The following PRKG1 variants were observed in gnomAD, a reference collection of about 807,000 sequenced individuals.
The protein encoded by PRKG1 is protein kinase cGMP-dependent 1, also known as cGMP-dependent protein kinase 1.
Under a neutral mutation model 88.1 loss-of-function variants are expected in PRKG1, and 35 were observed. The ratio of observed to expected loss-of-function variants is 0.40; its 90% CI spans 0.30 to 0.53. The LOEUF (loss-of-function observed/expected upper bound fraction) is 0.53. Ranked by LOEUF, PRKG1 falls within the 20% of genes least tolerant of loss-of-function variation. The pLI, the probability that PRKG1 is intolerant of heterozygous loss-of-function variation, is 0.59. For missense variants in PRKG1, 540 were observed against 839.8 expected (o/e 0.64, Z 4.41); for synonymous variants, 303 against 292.5 (o/e 1.04, Z -0.37).
chr10:51,268,779 G>A (rs931506900), intron 2 of PRKG1, among the ~76,000 whole-genome samples: 3 of 152,164 alleles, frequency 2.0e-5, no homozygotes, highest in Non-Finnish European at 4.4e-5. Flanking sequence ...GTAAAGACAG[G>A]CATAGGAAAT....
intron 2 of PRKG1, among the ~76,000 whole-genome samples, chr10:51,352,072 C>G (rs892255110): frequency 6.6e-6 from 1 of 152,030 alleles, no homozygotes; most frequent in African/African-American, 2.4e-5. Flanking sequence ...GCTATTATTT[C>G]TGAGCTCTCT....
chr10:52,189,020 G>A (rs1589686779), intron 9 of PRKG1, among the ~76,000 whole-genome samples: 1 of 152,120 alleles, frequency 6.6e-6, no homozygotes, highest in Admixed American at 6.5e-5. Context: ...ATTGTTTATT[G>A]TGAGGTTATT....
intron 3 of PRKG1, among the ~76,000 whole-genome samples, chr10:51,560,041 A>G (rs1235062214): frequency 6.6e-6 from 1 of 152,148 alleles, no homozygotes; most frequent in Admixed American, 6.6e-5. Context: ...AAGCATTGTT[A>G]ATTTAACTTT....
At chr10:52,243,319 T>C (rs1288437094) in intron 9 of PRKG1, among the ~76,000 whole-genome samples, 1 of 152,198 alleles carries the variant, frequency 6.6e-6, no homozygotes, top group Non-Finnish European at 1.5e-5. Flanking sequence ...TTACAAAAAC[T>C]GCAGATAGAA....
chr10:51,872,255 C>T (rs557748797), intron 4 of PRKG1, among the ~76,000 whole-genome samples: 1 of 152,304 alleles, frequency 6.6e-6, no homozygotes, highest in African/African-American at 2.4e-5. Flanking sequence ...CTTGTGGCAA[C>T]TTACTGTATT....
chr10:51,305,113 T>TCA (rs993257506), intron 2 of PRKG1, among the ~76,000 whole-genome samples: 5 of 152,036 alleles, frequency 3.3e-5, no homozygotes, highest in African/African-American at 1.2e-4. Context: ...ATGGAGTGAG[T>TCA]CACAGGACTG....
chr10:51,316,216 C>G (rs537271030), intron 2 of PRKG1, among the ~76,000 whole-genome samples: 1 of 152,098 alleles, frequency 6.6e-6, no homozygotes, highest in African/African-American at 2.4e-5. Flanking sequence ...TGTATGGAGA[C>G]TCTCAGAGCT....
chr10:51,510,692 A>T (rs950021852), intron 3 of PRKG1, among the ~76,000 whole-genome samples: 1 of 151,974 alleles, frequency 6.6e-6, no homozygotes, highest in African/African-American at 2.4e-5. Context: ...ATACACTAGA[A>T]TACTAATGAA....
intron 3 of PRKG1, among the ~76,000 whole-genome samples, chr10:51,628,592 C>T (rs965922544): frequency 6.6e-6 from 1 of 152,182 alleles, no homozygotes; most frequent in Non-Finnish European, 1.5e-5. Flanking sequence ...TATTTCTTTT[C>T]TCCATTTAGT....
intron 5 of PRKG1, among the ~76,000 whole-genome samples, chr10:52,006,603 C>A (rs1383325691): frequency 1.3e-5 from 2 of 152,016 alleles, no homozygotes; most frequent in African/African-American, 4.8e-5. Flanking sequence ...AAATAATGAA[C>A]AAATCCTCCA....
At chr10:51,505,852 C>A (rs1446022762) in intron 3 of PRKG1, among the ~76,000 whole-genome samples, 1 of 151,388 alleles carries the variant, frequency 6.6e-6, no homozygotes, top group Non-Finnish European at 1.5e-5. Context: ...CTATTTGATT[C>A]TTCTCTCTTT....
intron 3 of PRKG1, among the ~76,000 whole-genome samples, chr10:51,610,372 G>A (rs1253029455): frequency 6.6e-6 from 1 of 152,076 alleles, no homozygotes; most frequent in African/African-American, 2.4e-5. Flanking sequence ...CAACATATAT[G>A]TGAGAACATG....
intron 2 of PRKG1, among the ~76,000 whole-genome samples, chr10:51,449,423 C>G: frequency 6.7e-6 from 1 of 150,046 alleles, no homozygotes; most frequent in Non-Finnish European, 1.5e-5. Context: ...TAATTTTATT[C>G]TTACTTTATA....
chr10:51,613,596 A>T (rs550272065), intron 3 of PRKG1, among the ~76,000 whole-genome samples: 2 of 149,742 alleles, frequency 1.3e-5, no homozygotes, highest in African/African-American at 2.4e-5. Flanking sequence ...TTTATTTGAA[A>T]TTTTTCTACT....
At chr10:51,096,497 T>C (rs1844533745) in intron 1 of PRKG1, among the ~76,000 whole-genome samples, 2 of 152,036 alleles carry the variant, frequency 1.3e-5, no homozygotes, top group Non-Finnish European at 2.9e-5. Context: ...TTGACAGTAC[T>C]TGTGCCCTTT....
intron 1 of PRKG1, among the ~76,000 whole-genome samples, chr10:51,151,491 C>T (rs1406180017): frequency 2.0e-5 from 3 of 151,682 alleles, no homozygotes; most frequent in African/African-American, 7.3e-5. Context: ...TAAGACAACC[C>T]ACTCAAAATT....
chr10:51,020,168 A>T (rs967897179), intron 1 of PRKG1, among the ~76,000 whole-genome samples: 10 of 152,142 alleles, frequency 6.6e-5, no homozygotes, highest in Non-Finnish European at 1.5e-4. Context: ...AATTATTTTT[A>T]TTTTTTATTT....
intron 1 of PRKG1, among the ~76,000 whole-genome samples, chr10:51,148,699 C>T (rs939563648): frequency 1.3e-5 from 2 of 152,048 alleles, no homozygotes; most frequent in African/African-American, 2.4e-5. Context: ...ATTTAAATTC[C>T]AAATAAATGT....
chr10:51,170,437 T>TACACACAC (rs56159895), intron 2 of PRKG1, among the ~76,000 whole-genome samples: 2 of 144,550 alleles, frequency 1.4e-5, no homozygotes, highest in African/African-American at 5.1e-5. Flanking sequence ...TGTCTGGGTA[T>TACACACAC]ACACACACAC....
Sources: gnomAD v4.1 joint callset for allele counts (sites outside exome capture counted in the v4.1 genomes callset) on GRCh38, gnomAD v4.1.1 for gene constraint, MANE v1.5 for transcripts, NCBI Gene and HGNC (gene_info 2026-07-23, HGNC 2026-07-21) for gene names.